Variants in ROR2 observed in about 807,000 individuals in gnomAD.
ROR2 encodes the protein tyrosine-protein kinase transmembrane receptor ROR2.
A neutral mutation model predicts 74.9 loss-of-function variants in ROR2; 33 were observed. The ratio of observed to expected loss-of-function variants is 0.44; its 90% CI spans 0.33 to 0.59. ROR2 has a LOEUF of 0.59. ROR2 is among the 20% of genes least tolerant of loss of function. The pLI is 0.02. For missense variants in ROR2, 1,216 were observed against 1,313.8 expected (o/e 0.93, Z 1.15); for synonymous variants, 586 against 558.7 (o/e 1.05, Z -0.69).
intron 2 of ROR2, among the ~76,000 whole-genome samples, chr9:91,767,997 C>A (rs956323089): frequency 5.9e-5 from 9 of 152,172 alleles, no homozygotes; most frequent in Non-Finnish European, 7.3e-5. Context: ...CCTAATCCAA[C>A]AACACTGTCC....
chr9:91,890,987 T>C (rs1325843006), intron 1 of ROR2, among the ~76,000 whole-genome samples: 1 of 152,234 alleles, frequency 6.6e-6, no homozygotes, highest in Non-Finnish European at 1.5e-5. Context: ...ATTGCTGTTG[T>C]TCTTTTAACA....
At chr9:91,850,994 T>C (rs1488995176) in intron 1 of ROR2, among the ~76,000 whole-genome samples, 1 of 152,188 alleles carries the variant, frequency 6.6e-6, no homozygotes, top group African/African-American at 2.4e-5. Context: ...TCTAACATCA[T>C]TTATTTAAAA....
intron 1 of ROR2, among the ~76,000 whole-genome samples, chr9:91,829,090 T>C (rs542362211): frequency 1.3e-5 from 2 of 152,334 alleles, no homozygotes; most frequent in South Asian, 2.1e-4. Flanking sequence ...CCTCAAGGTA[T>C]AACTTAAATA....
intron 4 of ROR2, among the ~76,000 whole-genome samples, chr9:91,744,847 G>A (rs187103923): frequency 1.1e-3 from 161 of 152,322 alleles, no homozygotes; most frequent in African/African-American, 3.7e-3. Context: ...CCCCTACGCT[G>A]TTCAGGTGGC....
intron 8 of ROR2, 52 bp downstream of exon 8, chr9:91,726,489 G>A: frequency 2.0e-6 from 3 of 1,506,120 alleles, no homozygotes; most frequent in East Asian, 2.3e-5. Context: ...AACAACCCCT[G>A]AGGATTAAAC....
chr9:91,759,331 T>G (rs1419015141), intron 2 of ROR2, among the ~76,000 whole-genome samples: 2 of 152,168 alleles, frequency 1.3e-5, no homozygotes, highest in Non-Finnish European at 2.9e-5. Flanking sequence ...TTATAATTAT[T>G]ATTAACATCA....
In ROR2 at chr9:91,950,173, C is replaced by T. The variant is rs1183977955; in HGVS notation, c.-210G>A. ...CGGCAAGGGCTGGCTGGGGAGGTTC[C>T]TTGGCGCGGGCTGGGGCGTCCCGCC... On this transcript the variant is annotated 5_prime_UTR_variant, in exon 1 of 9. Coordinates refer to ENST00000375708, the MANE Select transcript of ROR2 (RefSeq NM_004560.4). 3.0e-6 allele frequency: 1 copy of T among 338,134 alleles called. No individual in the cohort carries two copies. Among genetic ancestry groups the T allele is most frequent in the African/African-American group, 2.2e-5 (1 of 46,044 alleles). 20.9% of individuals were successfully genotyped at this position (338,134 alleles called of 1,614,324 possible).
At chr9:91,852,866 T>C (rs1229709549) in intron 1 of ROR2, among the ~76,000 whole-genome samples, 1 of 152,246 alleles carries the variant, frequency 6.6e-6, no homozygotes, top group East Asian at 1.9e-4. Context: ...GGGAGATTTC[T>C]GACCTTCCCA....
At chr9:91,784,878 T>C (rs1251650824) in intron 1 of ROR2, among the ~76,000 whole-genome samples, 3 of 152,204 alleles carry the variant, frequency 2.0e-5, no homozygotes, top group African/African-American at 7.2e-5. Context: ...TGTTTATTTT[T>C]CTGTCTCGCC....
intron 1 of ROR2, among the ~76,000 whole-genome samples, chr9:91,879,434 G>GT (rs1431233845): frequency 6.8e-6 from 1 of 147,974 alleles, no homozygotes; most frequent in African/African-American, 2.7e-5. Flanking sequence ...GTGTGTGGGT[G>GT]TGGGGGGGTG....
At chr9:91,755,146 C>T (rs1375280111) in intron 4 of ROR2, among the ~76,000 whole-genome samples, 1 of 150,458 alleles carries the variant, frequency 6.6e-6, no homozygotes, top group African/African-American at 2.4e-5. Context: ...AAAGCCAGGC[C>T]TGTCTATTTG....
intron 1 of ROR2, among the ~76,000 whole-genome samples, chr9:91,833,279 T>C (rs73651565): frequency 0.12 from 18,026 of 152,134 alleles, 2,340 homozygotes; most frequent in African/African-American, 0.32. Flanking sequence ...GCATCCACGC[T>C]GGGCTCCAGC....
At chr9:91,945,152 T>C (rs938411014) in intron 1 of ROR2, among the ~76,000 whole-genome samples, 1 of 151,984 alleles carries the variant, frequency 6.6e-6, no homozygotes, top group Non-Finnish European at 1.5e-5. Context: ...AAAATCCCAG[T>C]GACATTTTTG....
chr9:91,833,989 G>A (rs572551387), intron 1 of ROR2, among the ~76,000 whole-genome samples: 3 of 152,280 alleles, frequency 2.0e-5, no homozygotes, highest in Admixed American at 1.3e-4. Flanking sequence ...ATGGTTCCAG[G>A]GAGGACACTG....
At chr9:91,919,262 C>G (rs1262207430) in intron 1 of ROR2, among the ~76,000 whole-genome samples, 1 of 152,206 alleles carries the variant, frequency 6.6e-6, no homozygotes, top group Non-Finnish European at 1.5e-5. Context: ...TGCTTTTAAA[C>G]AGTTGATGCT....
intron 1 of ROR2, among the ~76,000 whole-genome samples, chr9:91,804,488 A>C (rs1827488401): frequency 6.6e-6 from 1 of 152,212 alleles, no homozygotes; most frequent in Non-Finnish European, 1.5e-5. Context: ...TCAAGGGCTT[A>C]GCACCCCTGC....
Position 91,733,173 on chromosome 9 carries a change from C to T in ROR2, c.886G>A (p.Asp296Asn), listed in dbSNP as rs867038828. 6 of 1,608,524 alleles carry T rather than the reference C, an allele frequency of 3.7e-6. No individual in the cohort carries two copies. Among genetic ancestry groups the T allele is most frequent in the South Asian group, 1.1e-5 (1 of 90,142 alleles). Residue 296 changes from aspartate (D) to asparagine (N), a missense_variant, in exon 6 of 9, where the codon GAC (aspartate) becomes AAC (asparagine). Asp to Asn is a conservative substitution (Grantham distance 23). Coordinates refer to ENST00000375708, the MANE Select transcript of ROR2 (RefSeq NM_004560.4). The surrounding 1 kb of genome is among the most constrained non-coding windows in gnomAD (Gnocchi z 5.7). ...CEALPMPESP[D>N]AANCMRIGIP... ...CCAATGCGCATGCAGTTGGCAGCGT[C>T]GGGGCTCTCAGGCATGGGCAGCGCC...
At chr9:91,832,856 C>T (rs1408187640) in intron 1 of ROR2, among the ~76,000 whole-genome samples, 1 of 152,202 alleles carries the variant, frequency 6.6e-6, no homozygotes, top group African/African-American at 2.4e-5. Flanking sequence ...ATACAACGTC[C>T]ATCTTGGCAG....
intron 1 of ROR2, among the ~76,000 whole-genome samples, chr9:91,899,916 T>G (rs1459534636): frequency 1.3e-5 from 2 of 152,076 alleles, no homozygotes; most frequent in Non-Finnish European, 1.5e-5. Flanking sequence ...ATCTGCACAC[T>G]CGAACACATA....
Sources: allele counts gnomAD v4.1 joint callset (sites outside exome capture counted in the v4.1 genomes callset), GRCh38; gene constraint gnomAD v4.1.1; non-coding constraint Gnocchi (gnomAD v3.1); transcripts MANE v1.5; gene names NCBI Gene and HGNC (gene_info 2026-07-23, HGNC 2026-07-21).